Variants in CDH4 observed in about 807,000 individuals in gnomAD.
CDH4 encodes cadherin-4.
In CDH4, 33 loss-of-function variants were observed where a neutral mutation model predicts 86.0. That is an observed-to-expected ratio of 0.38 (90% CI 0.29 to 0.51). The LOEUF (loss-of-function observed/expected upper bound fraction) is 0.51, where lower values mean the gene tolerates loss of function less well. Among genes scored for constraint, CDH4 ranks in the 20% least tolerant of loss-of-function variants. The probability of loss-of-function intolerance (pLI) is 0.86; values close to 1 mark genes in which losing one functional copy is unlikely to be tolerated. For missense variants in CDH4, 1,114 were observed against 1,307.4 expected (o/e 0.85, Z 2.28); for synonymous variants, 555 against 549.4 (o/e 1.01, Z -0.14).
intron 4 of CDH4, among the ~76,000 whole-genome samples, chr20:61,788,381 C>T (rs929727066): frequency 5.3e-5 from 8 of 152,076 alleles, no homozygotes; most frequent in Non-Finnish European, 7.4e-5. Context: ...TAAGGCACAG[C>T]GTAGGTTCTG....
chr20:61,390,595 T>C (rs1489820944), intron 2 of CDH4, among the ~76,000 whole-genome samples: 1 of 151,250 alleles, frequency 6.6e-6, no homozygotes, highest in Non-Finnish European at 1.5e-5. Flanking sequence ...AGGGTGCCCA[T>C]AGTGCCGTGT....
chr20:61,686,855 A>T (rs61115557), intron 2 of CDH4, among the ~76,000 whole-genome samples: 24,072 of 152,100 alleles, frequency 0.16, 2,279 homozygotes, highest in East Asian at 0.36. Flanking sequence ...TGTGCTAGGG[A>T]TTGTGCATGT....
Position 61,504,577 on chromosome 20 carries a change from G to A in CDH4, c.170-238986G>A, listed in dbSNP as rs536924869. On this transcript the variant is annotated intron_variant, in intron 2 of 15. Transcript: ENST00000614565. ...GCAATGGATCCGTTTCATCCTGACC[G>A]CATTCCTCCAGGCGCAGACACGTGT... is the stretch of plus-strand genomic sequence containing the variant. Among the ~76,000 whole-genome samples the A allele has an allele frequency of 9.9e-5, 15 of 152,276 alleles. No homozygotes were observed. The South Asian group carries it at 1.0e-3, about 11-fold the overall frequency.
chr20:61,541,571 A>G (rs531417641), intron 2 of CDH4, among the ~76,000 whole-genome samples: 5 of 152,306 alleles, frequency 3.3e-5, no homozygotes, highest in Admixed American at 2.0e-4. Flanking sequence ...AGGTTTGTAA[A>G]AGGAATAAGA....
intron 7 of CDH4, among the ~76,000 whole-genome samples, chr20:61,876,506 G>T (rs1214941900): frequency 2.6e-5 from 4 of 152,236 alleles, no homozygotes; most frequent in African/African-American, 9.6e-5. Flanking sequence ...GGGATTGGGT[G>T]CCTGCAGGGG....
chr20:61,793,886 C>T (rs1420025450), intron 4 of CDH4, among the ~76,000 whole-genome samples: 1 of 149,166 alleles, frequency 6.7e-6, no homozygotes, highest in Non-Finnish European at 1.5e-5. Context: ...CTCCTGTAAT[C>T]CCAGCACTTT....
chr20:61,708,843 G>C lies in CDH4; in HGVS notation c.170-34720G>C, dbSNP rs189413191. On this transcript the variant is annotated intron_variant, in intron 2 of 15. Coordinates refer to ENST00000614565, the MANE Select transcript of CDH4 (RefSeq NM_001794.5). This position sits in a 1 kb window ranked among gnomAD's most constrained non-coding sequence, Gnocchi z 4.5. Reference sequence around the variant, plus strand: ...CAGAAATCAATAGTGGGCATTGGCAGACGTGCAGAACACCCCGCGTGCAAT... The same window carrying C: ...CAGAAATCAATAGTGGGCATTGGCACACGTGCAGAACACCCCGCGTGCAAT... Among the ~76,000 whole-genome samples, 8 of 152,380 alleles carry C rather than the reference G, an allele frequency of 5.3e-5. No homozygotes were observed. Among genetic ancestry groups the C allele is most frequent in the East Asian group, 1.9e-4 (1 of 5,180 alleles).
intron 4 of CDH4, among the ~76,000 whole-genome samples, chr20:61,788,280 G>A (rs556599006): frequency 6.6e-6 from 1 of 152,324 alleles, no homozygotes; most frequent in Admixed American, 6.5e-5. Context: ...TTCACTTTGT[G>A]TGTGTATGTG....
chr20:61,814,870 C>G (rs1457617366), intron 4 of CDH4, among the ~76,000 whole-genome samples: 1 of 152,168 alleles, frequency 6.6e-6, no homozygotes, highest in Admixed American at 6.5e-5. Context: ...CTGATCCCTG[C>G]AAGGTGCTGA....
intron 6 of CDH4, 145 bp downstream of exon 6, chr20:61,853,043 C>A: frequency 1.2e-6 from 1 of 835,902 alleles, no homozygotes; most frequent in Non-Finnish European, 1.8e-6. Context: ...ATGCAGCAGA[C>A]GTCCACCAAA....
At chr20:61,429,783 ATGGG>A (rs1009782903) in intron 2 of CDH4, among the ~76,000 whole-genome samples, 1 of 149,688 alleles carries the variant, frequency 6.7e-6, no homozygotes, top group African/African-American at 2.5e-5. Context: ...GGATGGATGG[ATGGG>A]TGGGTGGAAA....
chr20:61,554,391 C>A (rs1156912753), intron 2 of CDH4, among the ~76,000 whole-genome samples: 2 of 152,012 alleles, frequency 1.3e-5, no homozygotes, highest in Non-Finnish European at 2.9e-5. Flanking sequence ...CACAGGGCTG[C>A]CCTTGAAACA....
chr20:61,939,166 T>A lies in CDH4; in HGVS notation c.*2223T>A, dbSNP rs146916806. ...TTCAGTCCTTCGGAGTATGCGTGGA[T>A]TGTTCGAAGTGTGACTATGGCCCGG... On this transcript the variant is annotated 3_prime_UTR_variant, in exon 16 of 16. Transcript: ENST00000614565. 390 of 152,374 alleles carry A rather than the reference T, an allele frequency of 2.6e-3. No individual in the cohort carries two copies. Among genetic ancestry groups the A allele is most frequent in the Non-Finnish European group, 4.8e-3 (327 of 68,076 alleles). 9.4% of individuals were successfully genotyped at this position (152,374 alleles called of 1,614,324 possible).
chr20:61,422,844 T>C (rs1326709428), intron 2 of CDH4, among the ~76,000 whole-genome samples: 1 of 152,168 alleles, frequency 6.6e-6, no homozygotes, highest in Non-Finnish European at 1.5e-5. Context: ...CTTCCTGGGC[T>C]CAGCAGCCTC....
intron 2 of CDH4, among the ~76,000 whole-genome samples, chr20:61,390,048 C>A (rs1416757460): frequency 6.6e-6 from 1 of 150,616 alleles, no homozygotes; most frequent in African/African-American, 2.5e-5. Flanking sequence ...TGAGATCGTG[C>A]AGTCATAGGG....
intron 2 of CDH4, among the ~76,000 whole-genome samples, chr20:61,588,318 C>T (rs1354465106): frequency 1.3e-5 from 2 of 152,050 alleles, no homozygotes; most frequent in Non-Finnish European, 2.9e-5. Flanking sequence ...GGTCTCGCAG[C>T]CTCCATCAGT....
intron 2 of CDH4, among the ~76,000 whole-genome samples, chr20:61,672,655 T>G (rs572559838): frequency 6.6e-6 from 1 of 152,144 alleles, no homozygotes; most frequent in East Asian, 1.9e-4. Context: ...GCCGAGTCTC[T>G]GGGGTGGACA....
chr20:61,750,959 A>G (rs543002796), intron 3 of CDH4, among the ~76,000 whole-genome samples: 1 of 152,338 alleles, frequency 6.6e-6, no homozygotes, highest in Admixed American at 6.5e-5. Context: ...AGAAAAATTA[A>G]AGAACTATAA....
chr20:61,771,004 T>C (rs1174819737), intron 3 of CDH4, among the ~76,000 whole-genome samples: 2 of 138,548 alleles, frequency 1.4e-5, no homozygotes, highest in African/African-American at 2.7e-5. Context: ...TCTTTTTTCT[T>C]TTTTTCTTTT....
Sources: allele counts gnomAD v4.1 joint callset (sites outside exome capture counted in the v4.1 genomes callset), GRCh38; gene constraint gnomAD v4.1.1; non-coding constraint Gnocchi (gnomAD v3.1); transcripts MANE v1.5; gene names NCBI Gene and HGNC (gene_info 2026-07-23, HGNC 2026-07-21).